ANGPT4: variants seen among roughly 807,000 people sequenced by gnomAD.
ANGPT4 encodes the protein angiopoietin 4.
A neutral mutation model predicts 53.0 loss-of-function variants in ANGPT4; 50 were observed. That is an observed-to-expected ratio of 0.94 (90% CI 0.75 to 1.20). The LOEUF (loss-of-function observed/expected upper bound fraction) is 1.20, where lower values mean the gene tolerates loss of function less well. Among genes scored for constraint, ANGPT4 ranks in the 50% most tolerant of loss-of-function variants. ANGPT4 has a pLI of 0.00. For missense variants in ANGPT4, 648 were observed against 637.1 expected, an observed-to-expected ratio of 1.02 and a Z score of -0.18; for synonymous variants, 251 against 259.7, an observed-to-expected ratio of 0.97 and a Z score of 0.32.
At position 889,222 on chromosome 20, in the gene ANGPT4, G is replaced by A. The variant is rs759184140; in HGVS notation, c.466-783C>T. On this transcript the variant is annotated intron_variant, in intron 2 of 8. Coordinates refer to ENST00000381922, the MANE Select transcript of ANGPT4 (RefSeq NM_015985.4). The stretch of plus-strand genomic sequence containing the variant: ...CCCCCTCTCTTGCTCTCTCTTCCAT[G>A]CTATTTTCTCCTTAGCGCTGTCACT... Among the ~76,000 whole-genome samples the A allele has an allele frequency of 1.2e-3, 168 of 140,450 alleles. 1 individual carries two copies. Among genetic ancestry groups the A allele is most frequent in the Non-Finnish European group, 1.2e-3 (83 of 66,600 alleles). The allele number at this position is 140,450 out of a possible 152,430, so 92.1% of individuals were successfully genotyped here. A position where few individuals can be genotyped will look rare whatever the true frequency, so the allele number is the denominator to read the frequency against.
intron 7 of ANGPT4, among the ~76,000 whole-genome samples, chr20:875,196 G>A (rs1981117791): frequency 6.6e-6 from 1 of 152,084 alleles, no homozygotes; most frequent in Admixed American, 6.5e-5. Flanking sequence ...AATGAATGAG[G>A]GTCAGAGCCA....
chr20:912,418 C>G (rs925856696), intron 1 of ANGPT4, among the ~76,000 whole-genome samples: 1 of 152,214 alleles, frequency 6.6e-6, no homozygotes, highest in Non-Finnish European at 1.5e-5. Flanking sequence ...TGACTAGCCA[C>G]TGAGCTGCCC....
chr20:910,045 C>T (rs1222557729), intron 1 of ANGPT4, among the ~76,000 whole-genome samples: 1 of 152,186 alleles, frequency 6.6e-6, no homozygotes, highest in African/African-American at 2.4e-5. Context: ...AGCTAATGCC[C>T]AGGGACCCAT....
rs575179571 is a variant in ANGPT4 at position 911,575 on chromosome 20, G to A, written c.309+4331C>T. ...CAACCAGGAGAGAGAATCAGAGACA[G>A]AGACACCCACAGAGTTAGCAACAGT... is the stretch of plus-strand genomic sequence containing the variant. On this transcript the variant is annotated intron_variant, in intron 1 of 8. Coordinates refer to ENST00000381922, the MANE Select transcript of ANGPT4 (RefSeq NM_015985.4). The surrounding 1 kb of genome is among the most constrained non-coding windows in gnomAD (Gnocchi z 4.9). Among the ~76,000 whole-genome samples the A allele has an allele frequency of 1.3e-5, 2 of 152,104 alleles. No individual in the cohort carries two copies. Among genetic ancestry groups the A allele is most frequent in the African/African-American group, 4.8e-5 (2 of 41,378 alleles).
Position 872,898 on chromosome 20 carries a change from T to C in ANGPT4, c.*62A>G. The stretch of plus-strand genomic sequence containing the variant: ...ACAGTGTCTTGCATCTGGGTCCAGG[T>C]TGTCCAGGAGTGCCAAGTCCGAGCT... On this transcript the variant is annotated 3_prime_UTR_variant, in exon 9 of 9. Transcript: ENST00000381922. 1 of 1,595,060 alleles carries C rather than the reference T, an allele frequency of 6.3e-7. No homozygotes were observed. Among genetic ancestry groups the C allele is most frequent in the South Asian group, 1.1e-5 (1 of 89,588 alleles).
rs750615088 is a variant in ANGPT4 at position 916,134 on chromosome 20, C to T, written c.81G>A (p.Gln27=). 2 of 1,614,204 alleles carry T rather than the reference C, an allele frequency of 1.2e-6. No homozygotes were observed. The highest frequency in any genetic ancestry group is 1.7e-6 in the Non-Finnish European group (2 of 1,180,012). Residue 27 remains glutamine (Q), a synonymous_variant, in exon 1 of 9, where the codon CAG becomes CAA. Transcript: ENST00000381922. The part of the protein sequence containing the change: ...ATMSVAQQTR[Q]EADRGCETLV... ...GTGTCTCGCAGCCCCTATCCGCCTC[C>T]TGCCTTGTCTGTTGAGCCACAGACA...
rs1249775342 is a variant in ANGPT4 at position 911,823 on chromosome 20, A to AGACAGAGAGAGGGAGAGAGG, written c.309+4063_309+4082dup. ...GAGTCAGACCTTGTCTTTAGGAGAGAGACAGAGAGAGGGAGAGAGGGACAG... is the reference window on the plus strand; with the variant it reads ...GAGTCAGACCTTGTCTTTAGGAGAGAGACAGAGAGAGGGAGAGAGGGACAGAGAGAGGGAGAGAGGGACAG... On this transcript the variant is annotated intron_variant, in intron 1 of 8. Coordinates refer to ENST00000381922, the MANE Select transcript of ANGPT4 (RefSeq NM_015985.4). The surrounding 1 kb of genome is among the most constrained non-coding windows in gnomAD (Gnocchi z 4.9). 2.6e-5 allele frequency among the ~76,000 whole-genome samples: 4 copies of AGACAGAGAGAGGGAGAGAGG among 151,718 alleles called. No homozygotes were observed. The highest frequency in any genetic ancestry group is 2.6e-4 in the Admixed American group (4 of 15,244).
Position 890,337 on chromosome 20 carries a change from G to A in ANGPT4, c.341C>T (p.Ser114Leu), listed in dbSNP as rs376414024. ...LERAIKTILR[S>L]KLEQVQQQMA... ...TTGCTGCTGGACCTGCTCCAGCTTC[G>A]ACCTCAAGATCGTCTTGATGGCCCT... is the stretch of plus-strand genomic sequence containing the variant. The change falls in exon 2 of 9, where the codon TCG (serine) becomes TTG (leucine). Residue 114 changes from serine to leucine, a missense_variant. Ser to Leu is a moderately radical substitution (Grantham distance 145, BLOSUM62 -2). Coordinates refer to ENST00000381922, the MANE Select transcript of ANGPT4 (RefSeq NM_015985.4). 6.8e-6 allele frequency: 11 copies of A among 1,612,216 alleles called. No individual in the cohort carries two copies. The highest frequency in any genetic ancestry group is 2.7e-5 in the African/African-American group (2 of 74,874).
chr20:885,189 G>T lies in ANGPT4; in HGVS notation c.724C>A (p.Arg242Ser). ...AGGCTGGAGTTGTGCCTGACACCGCGCAGGCCGCGCTCGATGTTGGTGAGG... is the reference window on the plus strand; with the variant it reads ...AGGCTGGAGTTGTGCCTGACACCGCTCAGGCCGCGCTCGATGTTGGTGAGG... ...AALTNIERGL[R>S]GVRHNSSLLQ... Residue 242 changes from arginine (R) to serine (S), a missense_variant, in exon 4 of 9, where the codon CGC becomes AGC. Arg to Ser is a moderately radical substitution (Grantham distance 110). Coordinates refer to ENST00000381922, the MANE Select transcript of ANGPT4 (RefSeq NM_015985.4). 1 of 1,602,504 alleles carries T rather than the reference G, an allele frequency of 6.2e-7. No homozygotes were observed. Among genetic ancestry groups the T allele is most frequent in the Non-Finnish European group, 8.5e-7 (1 of 1,174,582 alleles).
At chr20:877,422 A>G (rs1202872224) in intron 7 of ANGPT4, among the ~76,000 whole-genome samples, 1 of 152,214 alleles carries the variant, frequency 6.6e-6, no homozygotes, top group East Asian at 1.9e-4. Context: ...TTTTGACAGC[A>G]GGGAGATCTG....
Position 885,188 on chromosome 20 carries a change from C to T in ANGPT4, c.725G>A (p.Arg242His), listed in dbSNP as rs769911824. Residue 242 changes from arginine to histidine, a missense_variant, in exon 4 of 9, where the codon CGC becomes CAC. Physicochemically the swap from Arg to His is conservative, Grantham distance 29 (BLOSUM62 0). Coordinates refer to ENST00000381922, the MANE Select transcript of ANGPT4 (RefSeq NM_015985.4). ...AALTNIERGL[R>H]GVRHNSSLLQ... is the part of the protein sequence containing the mutation. ...GAGGCTGGAGTTGTGCCTGACACCG[C>T]GCAGGCCGCGCTCGATGTTGGTGAG... 6 of 1,603,030 alleles carry T rather than the reference C, an allele frequency of 3.7e-6. No individual in the cohort carries two copies. The highest frequency in any genetic ancestry group is 1.7e-5 in the Admixed American group (1 of 58,554).
At chr20:885,424 G>A (rs1234728031) in intron 3 of ANGPT4, 99 bp from the exon 4 acceptor site, 71 of 1,423,576 alleles carry the variant, frequency 5.0e-5, no homozygotes, top group Non-Finnish European at 6.1e-5. Flanking sequence ...GCCCGACGAT[G>A]AGACTCAAGT....
At position 881,179 on chromosome 20, in the gene ANGPT4, G is replaced by A; in HGVS notation, c.943C>T (p.Pro315Ser). The change falls in exon 5 of 9, where the codon CCC (proline) becomes TCC (serine). Residue 315 changes from proline (P) to serine (S), a missense_variant. Pro to Ser is a moderately conservative substitution (Grantham distance 74). Transcript: ENST00000381922. ...YTIQVSNATK[P>S]RKVFCDLQSS... ...CCAGGGAGCCCCCTAACCTTCCTGG[G>A]CTTCGTTGCATTGGACACCTGGATG... The A allele has an allele frequency of 1.3e-6, 2 of 1,586,206 alleles. No homozygotes were observed. Among genetic ancestry groups the A allele is most frequent in the Non-Finnish European group, 1.7e-6 (2 of 1,165,916 alleles).
In ANGPT4 at chr20:885,194, C is replaced by G. The variant is rs1244256069; in HGVS notation, c.719G>C (p.Gly240Ala). 1.2e-6 allele frequency: 2 copies of G among 1,600,378 alleles called. No individual in the cohort carries two copies. Among genetic ancestry groups the G allele is most frequent in the African/African-American group, 2.7e-5 (2 of 74,750 alleles). Residue 240 changes from glycine (G) to alanine (A), a missense_variant, in exon 4 of 9, where the codon GGC becomes GCC. Gly to Ala is a moderately conservative substitution (Grantham distance 60). Transcript: ENST00000381922. ...QSAALTNIER[G>A]LRGVRHNSSL... The stretch of plus-strand genomic sequence containing the variant: ...GGAGTTGTGCCTGACACCGCGCAGG[C>G]CGCGCTCGATGTTGGTGAGGGCGGC...
chr20:907,445 A>G (rs532161867), intron 1 of ANGPT4, among the ~76,000 whole-genome samples: 2 of 152,290 alleles, frequency 1.3e-5, no homozygotes, highest in East Asian at 1.9e-4. Context: ...GTGGTCGTCT[A>G]TATTTCAACC....
chr20:891,001 TGTC>T (rs752395378), intron 1 of ANGPT4, among the ~76,000 whole-genome samples: 10 of 152,262 alleles, frequency 6.6e-5, no homozygotes, highest in Non-Finnish European at 1.5e-4. Flanking sequence ...ATCTGTCTGT[TGTC>T]TGTTTCTCTC....
rs764661982 is a variant in ANGPT4 at position 908,904 on chromosome 20, G to T, written c.309+7002C>A. Among the ~76,000 whole-genome samples the T allele has an allele frequency of 6.6e-6, 1 of 152,136 alleles. No homozygotes were observed. The highest frequency in any genetic ancestry group is 1.5e-5 in the Non-Finnish European group (1 of 68,028). On this transcript the variant is annotated intron_variant, in intron 1 of 8. Transcript: ENST00000381922. The surrounding 1 kb of genome is among the most constrained non-coding windows in gnomAD (Gnocchi z 4.9). The stretch of plus-strand genomic sequence containing the variant: ...TTGCCTCTGGAGAGGAGAAACAGGG[G>T]TCTCAGCTGGGTGTCAGGAACCCTG...
intron 1 of ANGPT4, among the ~76,000 whole-genome samples, chr20:893,698 A>T (rs1475722188): frequency 6.6e-6 from 1 of 152,070 alleles, no homozygotes; most frequent in Non-Finnish European, 1.5e-5. Flanking sequence ...CTCAGCTCCC[A>T]TCGCCCCTGT....
chr20:880,095 C>T (rs1448928059), intron 5 of ANGPT4, among the ~76,000 whole-genome samples: 1 of 152,230 alleles, frequency 6.6e-6, no homozygotes, highest in Non-Finnish European at 1.5e-5. Flanking sequence ...CATACCTTAA[C>T]CTCTTTGTGC....
Sources: allele counts gnomAD v4.1 joint callset (sites outside exome capture counted in the v4.1 genomes callset), GRCh38; gene constraint gnomAD v4.1.1; non-coding constraint Gnocchi (gnomAD v3.1); transcripts MANE v1.5; gene names NCBI Gene and HGNC (gene_info 2026-07-23, HGNC 2026-07-21).